PTPRQ: variants seen among roughly 807,000 people sequenced by gnomAD.
The protein encoded by PTPRQ is phosphatidylinositol phosphatase PTPRQ.
Under a neutral mutation model 246.0 loss-of-function variants are expected in PTPRQ, and 199 were observed. That is an observed-to-expected ratio of 0.81 (90% confidence interval 0.72 to 0.91). The LOEUF is 0.91. PTPRQ is among the 40% of genes least tolerant of loss of function. PTPRQ has a pLI of 0.00. For missense variants in PTPRQ, 2,624 were observed against 2,528.4 expected (o/e 1.04, Z -0.81); for synonymous variants, 869 against 853.2 (o/e 1.02, Z -0.32).
At chr12:80,675,056 A>T (rs945474029) in intron 43 of PTPRQ, among the ~76,000 whole-genome samples, 1 of 152,118 alleles carries the variant, frequency 6.6e-6, no homozygotes, top group Admixed American at 6.6e-5. Context: ...AGGTAATATA[A>T]TGCATATACA....
At chr12:80,641,976 T>C (rs928510817) in intron 35 of PTPRQ, among the ~76,000 whole-genome samples, 8 of 151,892 alleles carry the variant, frequency 5.3e-5, no homozygotes, top group Non-Finnish European at 7.4e-5. Context: ...TTTCTTTCTT[T>C]TCTTGCTTGC....
intron 9 of PTPRQ, among the ~76,000 whole-genome samples, chr12:80,487,788 C>T (rs1406840608): frequency 1.3e-5 from 2 of 152,108 alleles, no homozygotes; most frequent in African/African-American, 4.8e-5. Context: ...TGTTATCTCA[C>T]TATATTAGTT....
At chr12:80,651,097 A>T (rs1323008824) in intron 37 of PTPRQ, among the ~76,000 whole-genome samples, 1 of 152,108 alleles carries the variant, frequency 6.6e-6, no homozygotes, top group African/African-American at 2.4e-5. Flanking sequence ...CAGCTAAGTG[A>T]CTTTGGGCAA....
At chr12:80,489,499 G>T (rs1450676181) in intron 9 of PTPRQ, among the ~76,000 whole-genome samples, 4 of 151,976 alleles carry the variant, frequency 2.6e-5, no homozygotes, top group Non-Finnish European at 5.9e-5. Context: ...TCTCATTGAA[G>T]ATAATGGTCA....
chr12:80,610,758 A>G lies in PTPRQ; in HGVS notation c.4918+133A>G, dbSNP rs139118921. 1.2e-3 allele frequency: 1,186 copies of G among 1,021,648 alleles called. 11 individuals carry two copies. In the African/African-American group the frequency reaches 0.017, roughly 14 times the overall value. The allele number at this position is 1,021,648 out of a possible 1,614,324, so 63.3% of individuals were successfully genotyped here. A position where few individuals can be genotyped will look rare whatever the true frequency, so the allele number is the denominator to read the frequency against. Reference sequence around the variant, plus strand: ...AAGCATATAAACAAAAAAATTAGTGACTCTCTGCAACTGACAAAAAGGAAG... The same window carrying G: ...AAGCATATAAACAAAAAAATTAGTGGCTCTCTGCAACTGACAAAAAGGAAG... On this transcript the variant is annotated intron_variant, in intron 28 of 44. Coordinates refer to ENST00000644991, the MANE Select transcript of PTPRQ (RefSeq NM_001145026.2).
chr12:80,544,335 C>T (rs1193020118), intron 23 of PTPRQ, among the ~76,000 whole-genome samples: 2 of 151,978 alleles, frequency 1.3e-5, no homozygotes, highest in Non-Finnish European at 2.9e-5. Flanking sequence ...TTTAAAAGAA[C>T]AAAAAAACTG....
intron 38 of PTPRQ, among the ~76,000 whole-genome samples, chr12:80,653,059 G>A (rs1416360695): frequency 6.6e-6 from 1 of 152,084 alleles, no homozygotes. Context: ...TTATGCAGGT[G>A]CAAGAAACTG....
intron 35 of PTPRQ, among the ~76,000 whole-genome samples, chr12:80,639,286 CG>C (rs1404028241): frequency 6.6e-6 from 1 of 152,148 alleles, no homozygotes; most frequent in Non-Finnish European, 1.5e-5. Context: ...ATTTAAGTCA[CG>C]GAAGTTTTGT....
rs1050503390 is a variant in PTPRQ, at chr12:80,605,186, G to T, written c.4731+6G>T. On this transcript the variant is annotated splice_donor_region_variant and intron_variant, in intron 27 of 44. Transcript: ENST00000644991. ...ATCTGATTGATGTCAAATCGGTAAG[G>T]CATGTCTTACCTTCTGTAAAAGCCA... 13 of 1,539,318 alleles carry T rather than the reference G, an allele frequency of 8.4e-6. No individual in the cohort carries two copies. The highest frequency in any genetic ancestry group is 2.8e-5 in the African/African-American group (2 of 72,130).
intron 2 of PTPRQ, among the ~76,000 whole-genome samples, chr12:80,445,243 T>G (rs1186245143): frequency 1.3e-5 from 2 of 151,918 alleles, no homozygotes; most frequent in Admixed American, 6.6e-5. Context: ...TAAAAATGAT[T>G]TGGCAACAAA....
intron 31 of PTPRQ, 98 bp from the exon 32 acceptor site, chr12:80,620,056 G>A (rs1004848061): frequency 1.7e-5 from 24 of 1,380,600 alleles, no homozygotes; most frequent in African/African-American, 5.9e-5. Context: ...ATGTTGCATC[G>A]AGAGTCCCCT....
chr12:80,560,844 CA>C (rs1896802135), intron 25 of PTPRQ, among the ~76,000 whole-genome samples: 1 of 152,074 alleles, frequency 6.6e-6, no homozygotes, highest in Non-Finnish European at 1.5e-5. Context: ...TTGTGATAAC[CA>C]AAAAGTTTTA....
chr12:80,595,362 G>A (rs559843432), intron 26 of PTPRQ, among the ~76,000 whole-genome samples: 177 of 152,068 alleles, frequency 1.2e-3, no homozygotes, highest in Middle Eastern at 0.01. Flanking sequence ...TGGAAGAAAG[G>A]CATTTGACTT....
In PTPRQ at chr12:80,472,200, A is replaced by G. The variant is rs145855772; in HGVS notation, c.1135A>G (p.Ser379Gly). The G allele has an allele frequency of 1.3e-5, 20 of 1,551,496 alleles. No individual in the cohort carries two copies. Among genetic ancestry groups the G allele is most frequent in the Non-Finnish European group, 1.5e-5 (17 of 1,146,954 alleles). ...TGATGTCTATATTGCGGCTGAAACC[A>G]GTGCAGGGACTGGGCCCAAGTCAAA... Reference protein sequence around the residue: ...MYDVYIAAETSAGTGPKSNIS... With the variant: ...MYDVYIAAETGAGTGPKSNIS... Residue 379 changes from serine to glycine, a missense_variant, in exon 8 of 45, where the codon AGT becomes GGT. By Grantham distance (56) the Ser-to-Gly change is moderately conservative. Transcript: ENST00000644991.
chr12:80,530,939 C>G (rs1895826790), intron 17 of PTPRQ, among the ~76,000 whole-genome samples: 1 of 152,004 alleles, frequency 6.6e-6, no homozygotes, highest in Non-Finnish European at 1.5e-5. Flanking sequence ...GTAGTACCAG[C>G]TACTCTGAAG....
chr12:80,632,074 A>T, intron 33 of PTPRQ, 118 bp from the exon 34 acceptor site: 1 of 1,306,806 alleles, frequency 7.7e-7, no homozygotes, highest in Non-Finnish European at 1.0e-6. Flanking sequence ...GCTACATTTT[A>T]CTAGTATTCT....
chr12:80,494,806 G>A, intron 10 of PTPRQ, 127 bp from the exon 11 acceptor site: 1 of 829,296 alleles, frequency 1.2e-6, no homozygotes, highest in Non-Finnish European at 1.7e-6. Context: ...CTTTAATAGA[G>A]GTGTGCATGG....
At chr12:80,461,676 G>A (rs1247549947) in intron 6 of PTPRQ, among the ~76,000 whole-genome samples, 1 of 150,400 alleles carries the variant, frequency 6.6e-6, no homozygotes, top group Non-Finnish European at 1.5e-5. Context: ...GGTTGTAATT[G>A]CTAATTTCTG....
At chr12:80,632,419 A>C (rs1899474359) in intron 34 of PTPRQ, 128 bp downstream of exon 34, 2 of 1,313,596 alleles carry the variant, frequency 1.5e-6, no homozygotes, top group Admixed American at 5.0e-5. Context: ...TAGACAGATA[A>C]AAATGTATTT....
Sources: gnomAD v4.1 joint callset for allele counts (sites outside exome capture counted in the v4.1 genomes callset) on GRCh38, gnomAD v4.1.1 for gene constraint, MANE v1.5 for transcripts, NCBI Gene and HGNC (gene_info 2026-07-23, HGNC 2026-07-21) for gene names.